The following SMARCA2 variants were observed in gnomAD, a reference collection of about 807,000 sequenced individuals.
SMARCA2 encodes the protein SWI/SNF-related matrix-associated actin-dependent regulator of chromatin subfamily A member 2.
SMARCA2 carries 61 observed loss-of-function variants against 199.8 expected under a neutral mutation model. The observed-to-expected ratio is 0.31, with a 90% CI of 0.25 to 0.38. SMARCA2 has a LOEUF of 0.38. Ranked by LOEUF, SMARCA2 falls within the 10% of genes least tolerant of loss-of-function variation. The pLI, the probability that SMARCA2 is intolerant of heterozygous loss-of-function variation, is 1.00. For synonymous variants in SMARCA2, 935 were observed against 732.0 expected (o/e 1.28, Z -4.48); for missense variants, 1,344 against 2,012.2 (o/e 0.67, Z 6.35).
At chr9:2,049,523 A>T (rs907128337) in intron 5 of SMARCA2, among the ~76,000 whole-genome samples, 4 of 152,124 alleles carry the variant, frequency 2.6e-5, no homozygotes, top group African/African-American at 9.7e-5. Flanking sequence ...ATAAATGCCT[A>T]CTCTTTTGTA....
chr9:2,120,181 C>T (rs1823395445), intron 26 of SMARCA2, among the ~76,000 whole-genome samples: 1 of 152,218 alleles, frequency 6.6e-6, no homozygotes, highest in South Asian at 2.1e-4. Flanking sequence ...TATCTTCAAT[C>T]ATTTTCATCT....
At chr9:2,071,075 G>T (rs185362639) in intron 10 of SMARCA2, among the ~76,000 whole-genome samples, 4 of 152,086 alleles carry the variant, frequency 2.6e-5, no homozygotes, top group African/African-American at 9.7e-5. Flanking sequence ...TCACAGTGAG[G>T]AGGCACACTC....
chr9:2,170,366 G>T lies in SMARCA2; in HGVS notation c.4200-53G>T. The T allele has an allele frequency of 6.2e-7, 1 of 1,611,242 alleles. No individual in the cohort carries two copies. Among genetic ancestry groups the T allele is most frequent in the East Asian group, 2.2e-5 (1 of 44,624 alleles). The stretch of plus-strand genomic sequence containing the variant: ...CCAGCCTAGGAAGAAGGAGCCGGGC[G>T]GGGACGAGAACCCAGGTCTTCTGAC... On this transcript the variant is annotated intron_variant, in intron 28 of 33. Transcript: ENST00000349721. The surrounding 1 kb of genome is among the most constrained non-coding windows in gnomAD (Gnocchi z 4.7).
At chr9:2,184,175 C>G (rs1183668658) in intron 31 of SMARCA2, among the ~76,000 whole-genome samples, 1 of 152,104 alleles carries the variant, frequency 6.6e-6, no homozygotes, top group Non-Finnish European at 1.5e-5. Flanking sequence ...ACTCCTCAAC[C>G]TAAACAGCCC....
Position 2,040,417 on chromosome 9 carries a change from G to C in SMARCA2, c.790+517G>C, listed in dbSNP as rs192671122. 885 of 160,738 alleles carry C rather than the reference G, an allele frequency of 5.5e-3. 1 individual carries two copies. Among genetic ancestry groups the C allele is most frequent in the Middle Eastern group, 0.012 (4 of 328 alleles). The allele number at this position is 160,738 out of a possible 1,614,324, so 10.0% of individuals were successfully genotyped here. ...GCAACAAGGGAAAATAGAAAAAAAAGTAAGAAATTGAGGCAAGAAAGTAGG... is the reference window on the plus strand; with the variant it reads ...GCAACAAGGGAAAATAGAAAAAAAACTAAGAAATTGAGGCAAGAAAGTAGG... On this transcript the variant is annotated intron_variant, in intron 4 of 33. Coordinates refer to ENST00000349721, the MANE Select transcript of SMARCA2 (RefSeq NM_003070.5).
rs1016987328 is a variant in SMARCA2, at chr9:2,119,883, A to G, written c.3762+348A>G. On this transcript the variant is annotated intron_variant, in intron 26 of 33. Transcript: ENST00000349721. The surrounding 1 kb of genome is among the most constrained non-coding windows in gnomAD (Gnocchi z 4.6). ...ACTCTCTGGACAGGCCTCGCGGTCT[A>G]CAGCTTACCATAGACGCCCTCCTGT... Among the ~76,000 whole-genome samples the G allele has an allele frequency of 4.6e-5, 7 of 152,190 alleles. No individual in the cohort carries two copies. Among genetic ancestry groups the G allele is most frequent in the Admixed American group, 6.5e-5 (1 of 15,274 alleles).
chr9:2,099,797 C>T (rs1223552238), intron 21 of SMARCA2, among the ~76,000 whole-genome samples: 1 of 152,144 alleles, frequency 6.6e-6, no homozygotes, highest in Non-Finnish European at 1.5e-5. Context: ...CACTGCCTCC[C>T]TGGGGACCTT....
At chr9:2,030,224 G>A (rs1414996450) in intron 2 of SMARCA2, among the ~76,000 whole-genome samples, 1 of 152,158 alleles carries the variant, frequency 6.6e-6, no homozygotes, top group Non-Finnish European at 1.5e-5. Flanking sequence ...TTATTATGAG[G>A]AATTGGCTCA....
chr9:2,035,633 A>G (rs933569863), intron 3 of SMARCA2, among the ~76,000 whole-genome samples: 1 of 152,198 alleles, frequency 6.6e-6, no homozygotes, highest in African/African-American at 2.4e-5. Context: ...CTAGATAGAT[A>G]TTAGTAAATT....
At chr9:2,149,171 C>T (rs1824916204) in intron 27 of SMARCA2, among the ~76,000 whole-genome samples, 1 of 151,086 alleles carries the variant, frequency 6.6e-6, no homozygotes, top group South Asian at 2.1e-4. Flanking sequence ...TGGCAGGAGG[C>T]AAAAGGCACT....
chr9:2,178,355 A>G (rs1478984273), intron 29 of SMARCA2, among the ~76,000 whole-genome samples: 1 of 152,204 alleles, frequency 6.6e-6, no homozygotes, highest in Non-Finnish European at 1.5e-5. Context: ...ATCCGATGTC[A>G]CAGGCCATCA....
intron 1 of SMARCA2, among the ~76,000 whole-genome samples, chr9:2,023,025 C>G (rs925887605): frequency 1.3e-5 from 2 of 152,174 alleles, no homozygotes; most frequent in African/African-American, 4.8e-5. Context: ...CTCGTAAATT[C>G]CCTTTTTAAA....
chr9:2,123,778 A>G lies in SMARCA2; in HGVS notation c.3822A>G (p.Leu1274=), dbSNP rs1823569096. Residue 1274 remains leucine, a synonymous_variant, in exon 27 of 34, where the codon TTA becomes TTG. Coordinates refer to ENST00000349721, the MANE Select transcript of SMARCA2 (RefSeq NM_003070.5). The surrounding 1 kb of genome is among the most constrained non-coding windows in gnomAD (Gnocchi z 4.1). ...DARNPKRKPR[L]MEEDELPSWI... ...GGAACCCGAAACGGAAGCCCCGTTT[A>G]ATGGAGGAGGATGAGCTGCCCTCCT... The G allele has an allele frequency of 2.5e-6, 4 of 1,613,976 alleles. No homozygotes were observed. The highest frequency in any genetic ancestry group is 3.4e-6 in the Non-Finnish European group (4 of 1,179,998).
intron 2 of SMARCA2, among the ~76,000 whole-genome samples, chr9:2,031,711 C>T (rs1054484449): frequency 2.0e-5 from 3 of 152,078 alleles, no homozygotes; most frequent in Admixed American, 6.5e-5. Flanking sequence ...GCATTTTTTG[C>T]CATCCTGCTT....
intron 17 of SMARCA2, among the ~76,000 whole-genome samples, 174 bp downstream of exon 17, chr9:2,084,370 CTGTGTGTGTGTGTGTGTG>C (rs3057851): frequency 7.6e-5 from 10 of 132,422 alleles, no homozygotes; most frequent in East Asian, 6.6e-4. Context: ...TTCATGCATG[CTGTGTGTGTGTGTGTGTG>C]TGTGTGTGTG....
chr9:2,184,526 A>AT lies in SMARCA2; in HGVS notation c.4462-1562dup, dbSNP rs199803661. 6.2e-3 allele frequency among the ~76,000 whole-genome samples: 930 copies of AT among 150,668 alleles called. 5 individuals carry two copies. Among genetic ancestry groups the AT allele is most frequent in the Non-Finnish European group, 9.5e-3 (640 of 67,610 alleles). On this transcript the variant is annotated intron_variant, in intron 31 of 33. Coordinates refer to ENST00000349721, the MANE Select transcript of SMARCA2 (RefSeq NM_003070.5). The stretch of plus-strand genomic sequence containing the variant: ...ACCACCATGCCCGGCTAATTTTTGT[A>AT]TTTTTTTTAGTAGAGATGGGGTTTC...
chr9:2,104,535 A>T lies in SMARCA2; in HGVS notation c.3292+366A>T, dbSNP rs570291424. Among the ~76,000 whole-genome samples the T allele has an allele frequency of 6.6e-6, 1 of 152,340 alleles. No individual in the cohort carries two copies. The highest frequency in any genetic ancestry group is 2.1e-4 in the South Asian group (1 of 4,828). Reference sequence around the variant, plus strand: ...CACCTTTAACTTTTTCAGTTAAGGCATATTTTAAGGGGATAAAGGCTATGT... The same window carrying T: ...CACCTTTAACTTTTTCAGTTAAGGCTTATTTTAAGGGGATAAAGGCTATGT... On this transcript the variant is annotated intron_variant, in intron 23 of 33. Transcript: ENST00000349721. The surrounding 1 kb of genome is among the most constrained non-coding windows in gnomAD (Gnocchi z 4.0).
At position 2,193,591 on chromosome 9, in the gene SMARCA2, C is replaced by T. The variant is rs925637103; in HGVS notation, c.*852C>T. 6.6e-6 allele frequency: 1 copy of T among 152,644 alleles called. No homozygotes were observed. Among genetic ancestry groups the T allele is most frequent in the African/African-American group, 2.4e-5 (1 of 41,444 alleles). 9.5% of individuals were successfully genotyped at this position (152,644 alleles called of 1,614,324 possible). Reference sequence around the variant, plus strand: ...AATTTCGAAGAATGTGGTGTTGGTGCTTTCCTAATAAAGAAATAATTTAGC... The same window carrying T: ...AATTTCGAAGAATGTGGTGTTGGTGTTTTCCTAATAAAGAAATAATTTAGC... On this transcript the variant is annotated 3_prime_UTR_variant, in exon 34 of 34. Coordinates refer to ENST00000349721, the MANE Select transcript of SMARCA2 (RefSeq NM_003070.5).
intron 7 of SMARCA2, among the ~76,000 whole-genome samples, chr9:2,057,395 C>T (rs1321843668): frequency 2.6e-5 from 4 of 152,190 alleles, no homozygotes; most frequent in African/African-American, 4.8e-5. Flanking sequence ...AATACCATTA[C>T]ATTGGGAGTT....
Sources: allele counts gnomAD v4.1 joint callset (sites outside exome capture counted in the v4.1 genomes callset), GRCh38; gene constraint gnomAD v4.1.1; non-coding constraint Gnocchi (gnomAD v3.1); transcripts MANE v1.5; gene names NCBI Gene and HGNC (gene_info 2026-07-23, HGNC 2026-07-21).